The following ZSCAN26 variants were observed in gnomAD, a reference collection of about 807,000 sequenced individuals.
ZSCAN26 encodes the protein zinc finger and SCAN domain-containing protein 26.
A neutral mutation model predicts 23.0 loss-of-function variants in ZSCAN26; 26 were observed. The ratio of observed to expected loss-of-function variants is 1.13; its 90% CI spans 0.83 to 1.57. The LOEUF is 1.57. Ranked by LOEUF, ZSCAN26 falls within the 40% of genes most tolerant of loss-of-function variation. ZSCAN26 has a pLI of 0.00. For synonymous variants in ZSCAN26, 180 were observed against 202.5 expected (o/e 0.89, Z 0.94); for missense variants, 528 against 568.5 (o/e 0.93, Z 0.72).
Position 28,276,736 on chromosome 6 carries a change from TCA to T in ZSCAN26, c.1083_1084del (p.His361GlnfsTer7), listed in dbSNP as rs1347703391. 1.4e-5 allele frequency: 22 copies of T among 1,613,658 alleles called. No homozygotes were observed. Among genetic ancestry groups the T allele is most frequent in the Non-Finnish European group, 1.8e-5 (21 of 1,179,812 alleles). ...SSHLNRHQRI[H>X]SQEEPCECKE... ...CTCACCTTAATCGACATCAGAGAAT[TCA>T]CAGTCAGGAGGAGCCCTGTGAGTGC... On this transcript the variant is annotated frameshift_variant, in exon 4 of 4. Coordinates refer to ENST00000421553, the MANE Select transcript of ZSCAN26 (RefSeq NM_001023560.4). LOFTEE classifies it low-confidence loss of function (END_TRUNC).
Position 28,276,553 on chromosome 6 carries a change from C to T in ZSCAN26, c.897C>T (p.Val299=), listed in dbSNP as rs1445751895. 6 of 1,613,392 alleles carry T rather than the reference C, an allele frequency of 3.7e-6. No individual in the cohort carries two copies. The highest frequency in any genetic ancestry group is 4.2e-6 in the Non-Finnish European group (5 of 1,179,674). Residue 299 remains valine, a synonymous_variant, in exon 4 of 4, where the codon GTC becomes GTT. Transcript: ENST00000421553. ...GKAFQRSSHL[V]RHQKIHLGEK... ...CCTTTCAGAGGAGTTCACACCTCGT[C>T]AGACATCAGAAAATCCATCTTGGTG...
In ZSCAN26 at chr6:28,277,389, A is replaced by G; in HGVS notation, c.*293A>G. The G allele has an allele frequency of 3.1e-6, 1 of 318,718 alleles. No individual in the cohort carries two copies. The highest frequency in any genetic ancestry group is 5.8e-6 in the Non-Finnish European group (1 of 172,854). 19.7% of individuals were successfully genotyped at this position (318,718 alleles called of 1,614,324 possible). On this transcript the variant is annotated 3_prime_UTR_variant, in exon 4 of 4. Transcript: ENST00000421553. ...TATACTCTAAGCAATAGAGAGCTTC[A>G]TGACTGAGTAAGAGTTTTGAAGTCA...
chr6:28,272,540 C>A, intron 2 of ZSCAN26, 130 bp from the exon 3 acceptor site: 1 of 999,946 alleles, frequency 1.0e-6, no homozygotes, highest in Non-Finnish European at 1.4e-6. Context: ...CCAGATTCCC[C>A]ATCTTCTTTT....
chr6:28,267,549 G>C (rs1761497005), intron 1 of ZSCAN26: 1 of 152,174 alleles, frequency 6.6e-6, no homozygotes, highest in Non-Finnish European at 1.5e-5. Context: ...TTTCTAGGTA[G>C]AGGGAATAGC....
At chr6:28,274,411 C>T (rs894773863) in intron 3 of ZSCAN26, among the ~76,000 whole-genome samples, 2 of 152,108 alleles carry the variant, frequency 1.3e-5, no homozygotes, top group Non-Finnish European at 2.9e-5. Flanking sequence ...ATGAATTAGC[C>T]TTGCAGAAAT....
chr6:28,272,262 C>T lies in ZSCAN26; in HGVS notation c.343C>T (p.His115Tyr). The T allele has an allele frequency of 6.2e-7, 1 of 1,609,978 alleles. No individual in the cohort carries two copies. Among genetic ancestry groups the T allele is most frequent in the Non-Finnish European group, 8.5e-7 (1 of 1,178,010 alleles). ...KELQARVQEH[H>Y]PESREDVVVV... ...GCTCCAGGCCCGGGTGCAGGAGCATCACCCAGAGAGCAGGGAGGACGTGGT... is the reference window on the plus strand; with the variant it reads ...GCTCCAGGCCCGGGTGCAGGAGCATTACCCAGAGAGCAGGGAGGACGTGGT... The change falls in exon 2 of 4, where the codon CAC becomes TAC. Residue 115 changes from histidine to tyrosine, a missense_variant. His to Tyr is a moderately conservative substitution (Grantham distance 83). Coordinates refer to ENST00000421553, the MANE Select transcript of ZSCAN26 (RefSeq NM_001023560.4).
rs1475578847 is a variant in ZSCAN26 at position 28,277,960 on chromosome 6, T to G, written c.*864T>G. 2 of 152,224 alleles carry G rather than the reference T, an allele frequency of 1.3e-5. No homozygotes were observed. Among genetic ancestry groups the G allele is most frequent in the Non-Finnish European group, 2.9e-5 (2 of 68,040 alleles). 9.4% of individuals were successfully genotyped at this position (152,224 alleles called of 1,614,324 possible). ...CCCTTTAATACTGATGATGCAATTT[T>G]GAAATGTTGCTTGTTCTGGAATACT... On this transcript the variant is annotated 3_prime_UTR_variant, in exon 4 of 4. Transcript: ENST00000421553.
Position 28,276,640 on chromosome 6 carries a change from A to G in ZSCAN26, c.984A>G (p.Glu328=), listed in dbSNP as rs770524438. 1.9e-6 allele frequency: 3 copies of G among 1,611,790 alleles called. No homozygotes were observed. The highest frequency in any genetic ancestry group is 2.5e-6 in the Non-Finnish European group (3 of 1,178,852). The part of the protein sequence containing the change: ...KVFSQNAGLL[E]HLRIHTGEKP... ...TTAGCCAGAATGCAGGCCTTTTGGA[A>G]CATCTCAGAATTCATACTGGAGAGA... The change falls in exon 4 of 4, where the codon GAA becomes GAG. Residue 328 remains glutamate (E), a synonymous_variant. Transcript: ENST00000421553.
chr6:28,276,672 A>G lies in ZSCAN26; in HGVS notation c.1016A>G (p.Tyr339Cys). ...HLRIHTGEKPYLCIHCGKNFR... is the reference protein window; with the variant it reads ...HLRIHTGEKPCLCIHCGKNFR... ...AGAATTCATACTGGAGAGAAACCTT[A>G]TCTATGTATCCATTGTGGAAAAAAT... The change falls in exon 4 of 4, where the codon TAT (tyrosine) becomes TGT (cysteine). Residue 339 changes from tyrosine (Y) to cysteine (C), a missense_variant. By Grantham distance (194) the Tyr-to-Cys change is radical. Coordinates refer to ENST00000421553, the MANE Select transcript of ZSCAN26 (RefSeq NM_001023560.4). The G allele has an allele frequency of 6.2e-7, 1 of 1,611,610 alleles. No individual in the cohort carries two copies. The highest frequency in any genetic ancestry group is 8.5e-7 in the Non-Finnish European group (1 of 1,178,674).
chr6:28,272,987 G>A (rs908446538), intron 3 of ZSCAN26, among the ~76,000 whole-genome samples, 200 bp downstream of exon 3: 5 of 152,170 alleles, frequency 3.3e-5, no homozygotes, highest in African/African-American at 7.2e-5. Flanking sequence ...AATAATTGTG[G>A]TCTAATCAGG....
chr6:28,268,379 GTACTT>G (rs1032366584), intron 1 of ZSCAN26, among the ~76,000 whole-genome samples: 9 of 152,064 alleles, frequency 5.9e-5, no homozygotes, highest in African/African-American at 2.2e-4. Context: ...ATGAAATAAA[GTACTT>G]TATTAGATCA....
chr6:28,273,051 A>G (rs1369064172), intron 3 of ZSCAN26, among the ~76,000 whole-genome samples: 1 of 152,172 alleles, frequency 6.6e-6, no homozygotes, highest in Non-Finnish European at 1.5e-5. Flanking sequence ...TAGCTGAACA[A>G]AATAGCAAGA....
rs1329825849 is a variant in ZSCAN26, at chr6:28,272,037, G to A, written c.118G>A (p.Gly40Arg). The change falls in exon 2 of 4, where the codon GGA becomes AGA. Residue 40 changes from glycine to arginine, a missense_variant. By Grantham distance (125) the Gly-to-Arg change is moderately radical (BLOSUM62 -2). Transcript: ENST00000421553. Reference sequence around the variant, plus strand: ...TTGGGAACAGGGATTCAAGCTGCAAGGAAACAGTAAAGGCCTTGGACAGGA... The same window carrying A: ...TTGGGAACAGGGATTCAAGCTGCAAAGAAACAGTAAAGGCCTTGGACAGGA... ...STWEQGFKLQ[G>R]NSKGLGQEPL... The A allele has an allele frequency of 2.6e-6, 4 of 1,552,310 alleles. No homozygotes were observed. The highest frequency in any genetic ancestry group is 3.5e-6 in the Non-Finnish European group (4 of 1,147,338).
intron 1 of ZSCAN26, among the ~76,000 whole-genome samples, chr6:28,271,468 C>T (rs543407778): frequency 6.6e-6 from 1 of 152,204 alleles, no homozygotes; most frequent in African/African-American, 2.4e-5. Flanking sequence ...AAGCAGTTCT[C>T]CCTCCTCAGC....
Position 28,276,676 on chromosome 6 carries a change from A to T in ZSCAN26, c.1020A>T (p.Leu340=). Residue 340 remains leucine (L), a synonymous_variant, in exon 4 of 4, where the codon CTA becomes CTT. Transcript: ENST00000421553. ...TTCATACTGGAGAGAAACCTTATCTATGTATCCATTGTGGAAAAAATTTTA... is the reference window on the plus strand; with the variant it reads ...TTCATACTGGAGAGAAACCTTATCTTTGTATCCATTGTGGAAAAAATTTTA... ...LRIHTGEKPY[L]CIHCGKNFRR... is the part of the protein sequence containing the mutation. 6.2e-7 allele frequency: 1 copy of T among 1,611,700 alleles called. No homozygotes were observed.
chr6:28,272,484 T>C, intron 2 of ZSCAN26, 145 bp downstream of exon 2: 1 of 1,123,984 alleles, frequency 8.9e-7, no homozygotes. Context: ...CCTTAGGTCT[T>C]ACCTCAACCT....
At position 28,277,045 on chromosome 6, in the gene ZSCAN26, G is replaced by T; in HGVS notation, c.1389G>T (p.Arg463Ser). The T allele has an allele frequency of 1.9e-6, 3 of 1,613,924 alleles. No homozygotes were observed. Among genetic ancestry groups the T allele is most frequent in the East Asian group, 2.2e-5 (1 of 44,876 alleles). The change falls in exon 4 of 4, where the codon AGG becomes AGT. Residue 463 changes from arginine (R) to serine (S), a missense_variant. By Grantham distance (110) the Arg-to-Ser change is moderately radical. Coordinates refer to ENST00000421553, the MANE Select transcript of ZSCAN26 (RefSeq NM_001023560.4). ...AATGTGGAGAAGCCTTCAGGCAAAGGTCAGGTCTTTTTCAACATCAGAGAT... is the reference window on the plus strand; with the variant it reads ...AATGTGGAGAAGCCTTCAGGCAAAGTTCAGGTCTTTTTCAACATCAGAGAT... Reference protein sequence around the residue: ...CSECGEAFRQRSGLFQHQRYH... With the variant: ...CSECGEAFRQSSGLFQHQRYH...
chr6:28,275,153 C>T (rs1761881210), intron 3 of ZSCAN26, among the ~76,000 whole-genome samples: 1 of 152,116 alleles, frequency 6.6e-6, no homozygotes, highest in Non-Finnish European at 1.5e-5. Context: ...CTGATTAACC[C>T]TCTTTTGTTT....
Position 28,272,749 on chromosome 6 carries a change from G to A in ZSCAN26, c.500G>A (p.Arg167Gln), listed in dbSNP as rs370023717. ...AAAGGAGTACAGGAACAGCAGGTTCGGCATGAGTGTGAAGTTACAAAGCCT... is the reference window on the plus strand; with the variant it reads ...AAAGGAGTACAGGAACAGCAGGTTCAGCATGAGTGTGAAGTTACAAAGCCT... ...PLKGVQEQQV[R>Q]HECEVTKPEK... Residue 167 changes from arginine to glutamine, a missense_variant, in exon 3 of 4, where the codon CGG becomes CAG. Arg to Gln is a conservative substitution (Grantham distance 43, BLOSUM62 1). Transcript: ENST00000421553. 8.2e-5 allele frequency: 132 copies of A among 1,613,434 alleles called. No homozygotes were observed. The highest frequency in any genetic ancestry group is 4.9e-4 in the Middle Eastern group (3 of 6,062).
Sources: gnomAD v4.1 joint callset for allele counts (sites outside exome capture counted in the v4.1 genomes callset) on GRCh38, gnomAD v4.1.1 for gene constraint, MANE v1.5 for transcripts, NCBI Gene and HGNC (gene_info 2026-07-23, HGNC 2026-07-21) for gene names.